The following GRM1 variants were observed in gnomAD, a reference collection of about 807,000 sequenced individuals.
GRM1 encodes metabotropic glutamate receptor 1.
Under a neutral mutation model 90.9 loss-of-function variants are expected in GRM1, and 33 were observed. The observed-to-expected ratio is 0.36, with a 90% CI of 0.28 to 0.49. The LOEUF is 0.49. GRM1 is among the 20% of genes least tolerant of loss of function. The pLI, the probability that GRM1 is intolerant of heterozygous loss-of-function variation, is 0.99. For missense variants in GRM1, 1,190 were observed against 1,534.3 expected (o/e 0.78, Z 3.75); for synonymous variants, 700 against 613.2 (o/e 1.14, Z -2.09).
intron 3 of GRM1, among the ~76,000 whole-genome samples, chr6:146,313,595 A>G (rs1047014767): frequency 6.6e-6 from 1 of 152,238 alleles, no homozygotes; most frequent in Non-Finnish European, 1.5e-5. Context: ...AAATAAAGTC[A>G]TATTTTCAGC....
At chr6:146,244,660 A>T (rs1427158237) in intron 2 of GRM1, among the ~76,000 whole-genome samples, 1 of 152,176 alleles carries the variant, frequency 6.6e-6, no homozygotes, top group Non-Finnish European at 1.5e-5. Context: ...ATAAATTCTT[A>T]TAGATATATT....
At chr6:146,202,954 G>A (rs904868803) in intron 2 of GRM1, among the ~76,000 whole-genome samples, 1 of 152,058 alleles carries the variant, frequency 6.6e-6, no homozygotes, top group Non-Finnish European at 1.5e-5. Flanking sequence ...CCAGCACTTT[G>A]GGAGGCCAAG....
intron 1 of GRM1, among the ~76,000 whole-genome samples, chr6:146,114,576 C>A (rs143544061): frequency 6.6e-5 from 10 of 152,138 alleles, no homozygotes; most frequent in African/African-American, 1.9e-4. Context: ...TATTATGAGG[C>A]CTTCAAAATC....
At chr6:146,211,639 C>T (rs1414429495) in intron 2 of GRM1, among the ~76,000 whole-genome samples, 2 of 152,316 alleles carry the variant, frequency 1.3e-5, no homozygotes, top group East Asian at 3.9e-4. Context: ...AAATTTTCAT[C>T]AAACATCTCA....
chr6:146,258,992 T>A (rs959418443), intron 2 of GRM1, among the ~76,000 whole-genome samples: 1 of 152,200 alleles, frequency 6.6e-6, no homozygotes. Context: ...GTATCCCATC[T>A]AGAATACTGA....
At chr6:146,148,050 T>C (rs1227363296) in intron 1 of GRM1, among the ~76,000 whole-genome samples, 6 of 152,190 alleles carry the variant, frequency 3.9e-5, no homozygotes, top group African/African-American at 1.4e-4. Context: ...ATGGCCAACT[T>C]TACTTAAAGG....
At chr6:146,409,308 G>T (rs569791189) in intron 7 of GRM1, among the ~76,000 whole-genome samples, 1 of 152,124 alleles carries the variant, frequency 6.6e-6, no homozygotes, top group Non-Finnish European at 1.5e-5. Flanking sequence ...TACCCAAAGA[G>T]AATGACTGAA....
At chr6:146,411,853 T>G (rs1777580652) in intron 7 of GRM1, among the ~76,000 whole-genome samples, 1 of 152,122 alleles carries the variant, frequency 6.6e-6, no homozygotes, top group Non-Finnish European at 1.5e-5. Context: ...ATCACCAGAA[T>G]AAATGTATAA....
intron 5 of GRM1, among the ~76,000 whole-genome samples, chr6:146,362,994 C>T (rs925107141): frequency 3.3e-5 from 5 of 152,040 alleles, no homozygotes; most frequent in East Asian, 1.9e-4. Context: ...GGAATTGGAA[C>T]GTTAAATGTG....
At chr6:146,352,147 C>A in intron 3 of GRM1, 103 bp from the exon 4 acceptor site, 1 of 1,193,200 alleles carries the variant, frequency 8.4e-7, no homozygotes, top group Non-Finnish European at 1.2e-6. Flanking sequence ...TGTCATTGCT[C>A]ATTCCCTTCC....
At chr6:146,210,549 G>C (rs1030194595) in intron 2 of GRM1, among the ~76,000 whole-genome samples, 17 of 152,140 alleles carry the variant, frequency 1.1e-4, no homozygotes, top group South Asian at 2.1e-4. Context: ...ATGTCAGGGA[G>C]TGCTGGATTT....
Position 146,167,938 on chromosome 6 carries a change from T to C in GRM1, c.950+8341T>C, listed in dbSNP as rs200746318. 9.2e-5 allele frequency among the ~76,000 whole-genome samples: 14 copies of C among 152,088 alleles called. No homozygotes were observed. In the East Asian group the frequency reaches 2.5e-3, roughly 27 times the overall value. ...TTTATGGTTTATATTCTTTGTGTTC[T>C]ATCAAAAATATTTTACCTCCTCCAA... On this transcript the variant is annotated intron_variant, in intron 2 of 7. Transcript: ENST00000282753.
At chr6:146,275,494 C>A (rs1337876556) in intron 2 of GRM1, among the ~76,000 whole-genome samples, 1 of 151,886 alleles carries the variant, frequency 6.6e-6, no homozygotes, top group Non-Finnish European at 1.5e-5. Context: ...CCACCCGGTG[C>A]CCCTGTTGTT....
At chr6:146,214,288 T>A (rs1779793757) in intron 2 of GRM1, among the ~76,000 whole-genome samples, 1 of 152,188 alleles carries the variant, frequency 6.6e-6, no homozygotes, top group Non-Finnish European at 1.5e-5. Flanking sequence ...TAAATTAGAC[T>A]GGCATGGTCT....
intron 2 of GRM1, among the ~76,000 whole-genome samples, chr6:146,255,393 G>A (rs1050642450): frequency 1.2e-4 from 18 of 152,174 alleles, no homozygotes; most frequent in African/African-American, 4.3e-4. Context: ...ATAATTTACT[G>A]TAATTATTTC....
chr6:146,388,674 C>G (rs1776597638), intron 6 of GRM1, among the ~76,000 whole-genome samples: 1 of 151,988 alleles, frequency 6.6e-6, no homozygotes, highest in Admixed American at 6.6e-5. Context: ...AAATTTCATG[C>G]CTAAAAATTA....
intron 1 of GRM1, among the ~76,000 whole-genome samples, chr6:146,031,115 T>G (rs937579699): frequency 6.6e-6 from 1 of 152,200 alleles, no homozygotes; most frequent in Non-Finnish European, 1.5e-5. Context: ...GACTTATGGA[T>G]GTGAATTTTC....
At chr6:146,094,035 G>A (rs527405521) in intron 1 of GRM1, among the ~76,000 whole-genome samples, 1 of 152,024 alleles carries the variant, frequency 6.6e-6, no homozygotes, top group African/African-American at 2.4e-5. Context: ...ATTCTCTTTC[G>A]TTGATAGTGC....
rs1778500777 is a variant in GRM1, at chr6:146,433,853, A to G, written c.2661-19A>G. The G allele has an allele frequency of 6.5e-7, 1 of 1,528,946 alleles. No individual in the cohort carries two copies. Among genetic ancestry groups the G allele is most frequent in the Non-Finnish European group, 9.1e-7 (1 of 1,102,500 alleles). The allele number at this position is 1,528,946 out of a possible 1,614,324, so 94.7% of individuals were successfully genotyped here. ...GCATGATCTATCTGCAAATAAATCC[A>G]TCTCTATTTTATTCATAGTTCTAAT... On this transcript the variant is annotated intron_variant, in intron 7 of 7. Coordinates refer to ENST00000282753, the MANE Select transcript of GRM1 (RefSeq NM_001278064.2).
Sources: gnomAD v4.1 joint callset for allele counts (sites outside exome capture counted in the v4.1 genomes callset) on GRCh38, gnomAD v4.1.1 for gene constraint, MANE v1.5 for transcripts, NCBI Gene and HGNC (gene_info 2026-07-23, HGNC 2026-07-21) for gene names.